The following SYT14 variants were observed in gnomAD, a reference collection of about 807,000 sequenced individuals.
SYT14 encodes the protein synaptotagmin-14.
In SYT14, 32 loss-of-function variants were observed where a neutral mutation model predicts 74.2. The observed-to-expected ratio is 0.43, with a 90% CI of 0.33 to 0.58. SYT14 has a LOEUF of 0.58. Among genes scored for constraint, SYT14 ranks in the 20% least tolerant of loss-of-function variants. The pLI is 0.05. For missense variants in SYT14, 791 were observed against 981.8 expected (o/e 0.81, Z 2.60); for synonymous variants, 298 against 337.7 (o/e 0.88, Z 1.29).
intron 5 of SYT14, among the ~76,000 whole-genome samples, chr1:210,052,280 G>A (rs1307140632): frequency 2.0e-5 from 3 of 151,210 alleles, no homozygotes; most frequent in African/African-American, 7.3e-5. Flanking sequence ...GAGTGCAGTG[G>A]CGCGATCTCG....
At chr1:210,099,906 T>C (rs921620535) in intron 6 of SYT14, 106 bp from the exon 6 acceptor site, 18 of 1,114,602 alleles carry the variant, frequency 1.6e-5, no homozygotes, top group Non-Finnish European at 2.3e-5. Context: ...ACTTTCTTTG[T>C]GGCAGAATTG....
intron 7 of SYT14, among the ~76,000 whole-genome samples, chr1:210,114,642 C>A (rs186968585): frequency 6.6e-6 from 1 of 151,182 alleles, no homozygotes; most frequent in African/African-American, 2.5e-5. Flanking sequence ...GGAGCCTAAA[C>A]GCTAACTGAT....
rs1466056446 is a variant in SYT14, at chr1:210,059,447, T to TAGAGAGAG, written c.1313-34874_1313-34873insGAGAGAGA. ...GAAAGAATATATATATATATATATA[T>TAGAGAGAG]ATATAGAGAGAGAGAGAGAGAGAGA... On this transcript the variant is annotated intron_variant, in intron 5 of 9. Coordinates refer to ENST00000637265, the Ensembl canonical transcript of SYT14. Among the ~76,000 whole-genome samples the TAGAGAGAG allele has an allele frequency of 5.6e-3, 528 of 94,600 alleles. 2 individuals carry two copies. Among genetic ancestry groups the TAGAGAGAG allele is most frequent in the Middle Eastern group, 0.012 (2 of 170 alleles). The allele number at this position is 94,600 out of a possible 152,430, so 62.1% of individuals were successfully genotyped here.
chr1:210,017,649 A>G (rs1180258955), intron 4 of SYT14, among the ~76,000 whole-genome samples: 4 of 152,314 alleles, frequency 2.6e-5, no homozygotes, highest in African/African-American at 9.6e-5. Flanking sequence ...TACAATAAGT[A>G]TACGTGAATA....
chr1:210,155,625 A>T, intron 7 of SYT14, 96 bp from the exon 7 acceptor site: 3 of 1,332,760 alleles, frequency 2.3e-6, no homozygotes, highest in Non-Finnish European at 3.2e-6. Context: ...CTTTATTGTG[A>T]TTTACCTACC....
chr1:210,119,039 G>A (rs2082410379), intron 7 of SYT14, among the ~76,000 whole-genome samples: 1 of 151,966 alleles, frequency 6.6e-6, no homozygotes, highest in Non-Finnish European at 1.5e-5. Context: ...ATAATAGTAG[G>A]TGCTTCATTT....
At chr1:210,025,727 G>A (rs561441604) in intron 5 of SYT14, among the ~76,000 whole-genome samples, 3 of 152,188 alleles carry the variant, frequency 2.0e-5, no homozygotes, top group South Asian at 2.1e-4. Context: ...CCTACTACGT[G>A]CCTCAGTCTG....
intron 5 of SYT14, among the ~76,000 whole-genome samples, chr1:210,024,043 G>A (rs1022897640): frequency 1.3e-5 from 2 of 152,086 alleles, no homozygotes; most frequent in Non-Finnish European, 2.9e-5. Context: ...TTTCAGGGAT[G>A]GAGAGAAATC....
chr1:210,149,616 T>C (rs566005620), intron 7 of SYT14, among the ~76,000 whole-genome samples: 14 of 152,350 alleles, frequency 9.2e-5, no homozygotes, highest in East Asian at 3.9e-4. Context: ...ATCTTAGATA[T>C]GTTAATTTTT....
At chr1:210,110,971 C>T (rs995557260) in intron 7 of SYT14, among the ~76,000 whole-genome samples, 4 of 152,084 alleles carry the variant, frequency 2.6e-5, no homozygotes, top group Non-Finnish European at 4.4e-5. Flanking sequence ...CTTGAACTCC[C>T]GACTTCAGGT....
chr1:210,042,844 T>C (rs1572203475), intron 5 of SYT14, among the ~76,000 whole-genome samples: 1 of 152,212 alleles, frequency 6.6e-6, no homozygotes, highest in Non-Finnish European at 1.5e-5. Flanking sequence ...CAGGCTCTTT[T>C]TTGGTTCCAT....
At chr1:210,120,253 TAC>T (rs2082432055) in intron 7 of SYT14, among the ~76,000 whole-genome samples, 1 of 152,202 alleles carries the variant, frequency 6.6e-6, no homozygotes, top group Admixed American at 6.5e-5. Flanking sequence ...TCAAATTATA[TAC>T]AGTCATGCAC....
chr1:210,122,000 C>T lies in SYT14; in HGVS notation c.2034+21539C>T, dbSNP rs1281468011. Among the ~76,000 whole-genome samples, 3 of 11,970 alleles carry T rather than the reference C, an allele frequency of 2.5e-4. 1 individual carries two copies. The highest frequency in any genetic ancestry group is 2.3e-4 in the Non-Finnish European group (2 of 8,884). The allele number at this position is 11,970 out of a possible 152,430, so 7.9% of individuals were successfully genotyped here. On this transcript the variant is annotated intron_variant, in intron 7 of 9. Transcript: ENST00000637265. ...TTTTTTTTTTTTTTTTTTTTTGAGA[C>T]GGAGTCTCGCTCTGTCGCCCAGGCT...
chr1:210,032,036 A>G (rs534747255), intron 5 of SYT14, among the ~76,000 whole-genome samples: 6 of 152,262 alleles, frequency 3.9e-5, no homozygotes, highest in Admixed American at 3.3e-4. Flanking sequence ...GTAGAACAGG[A>G]AAGTAATACC....
chr1:210,052,353 TG>T (rs1246972349), intron 5 of SYT14, among the ~76,000 whole-genome samples: 6 of 150,916 alleles, frequency 4.0e-5, no homozygotes, highest in African/African-American at 1.5e-4. Flanking sequence ...CTGGAGTAGC[TG>T]GAACTACAGG....
chr1:210,148,175 A>G (rs1226948862), intron 7 of SYT14, among the ~76,000 whole-genome samples: 2 of 152,188 alleles, frequency 1.3e-5, no homozygotes, highest in Admixed American at 6.5e-5. Context: ...ACAAATGAAA[A>G]TACCTAAATT....
At chr1:210,142,803 A>G (rs74764884) in intron 7 of SYT14, among the ~76,000 whole-genome samples, 2 of 152,294 alleles carry the variant, frequency 1.3e-5, no homozygotes, top group East Asian at 3.9e-4. Flanking sequence ...GACTACACAG[A>G]TAATAGTGTA....
chr1:210,145,133 T>A (rs1482157885), intron 7 of SYT14, among the ~76,000 whole-genome samples: 2 of 152,208 alleles, frequency 1.3e-5, no homozygotes, highest in Admixed American at 6.5e-5. Flanking sequence ...CGTGTCTAGA[T>A]CAGTAAGATT....
At chr1:209,942,364 C>A (rs887232901) in intron 1 of SYT14, among the ~76,000 whole-genome samples, 33 of 107,516 alleles carry the variant, frequency 3.1e-4, no homozygotes, top group Admixed American at 6.9e-4. Flanking sequence ...AAATTTACCC[C>A]CCCCCCCCCG....
Sources: gnomAD v4.1 joint callset for allele counts (sites outside exome capture counted in the v4.1 genomes callset) on GRCh38, gnomAD v4.1.1 for gene constraint, MANE v1.5 for transcripts, NCBI Gene and HGNC (gene_info 2026-07-23, HGNC 2026-07-21) for gene names.